Variants in ERCC6 observed in about 807,000 individuals in gnomAD.
The protein encoded by ERCC6 is ERCC excision repair 6, chromatin remodeling factor.
ERCC6 carries 116 observed loss-of-function variants against 158.7 expected under a neutral mutation model. The observed-to-expected ratio is 0.73, with a 90% CI of 0.63 to 0.85. The LOEUF (loss-of-function observed/expected upper bound fraction) is 0.85. Ranked by LOEUF, ERCC6 falls within the 40% of genes least tolerant of loss-of-function variation. The pLI is 0.00. For missense variants in ERCC6, 1,698 were observed against 1,799.4 expected, an observed-to-expected ratio of 0.94 and a Z score of 1.02; for synonymous variants, 678 against 659.3, an observed-to-expected ratio of 1.03 and a Z score of -0.43.
At chr10:49,514,798 A>C (rs1408762216) in intron 5 of ERCC6, among the ~76,000 whole-genome samples, 2 of 152,246 alleles carry the variant, frequency 1.3e-5, no homozygotes, top group Non-Finnish European at 2.9e-5. Context: ...GTAGTATGAT[A>C]GGTTTTCTAT....
chr10:49,451,350 C>A (rs1130028), downstream of ERCC6, among the ~76,000 whole-genome samples: 29,609 of 151,962 alleles, frequency 0.19, 3,290 homozygotes, highest in South Asian at 0.34. Context: ...GCATCCTTGT[C>A]TTATTTCTAA....
At chr10:49,446,593 A>G in the ERCC6 span, among the ~76,000 whole-genome samples, 1 of 152,160 alleles carries the variant, frequency 6.6e-6, no homozygotes, top group Non-Finnish European at 1.5e-5. Flanking sequence ...TGGGTGACAC[A>G]GCGAGACTCT....
chr10:49,436,016 GAAAA>G, the ERCC6 span, among the ~76,000 whole-genome samples: 4 of 106,374 alleles, frequency 3.8e-5, no homozygotes, highest in East Asian at 2.6e-4. Context: ...AAGAAAGAAA[GAAAA>G]AAAAAAAAAG....
intron 2 of ERCC6, among the ~76,000 whole-genome samples, chr10:49,531,989 CA>C (rs2132637808): frequency 6.6e-6 from 1 of 152,264 alleles, no homozygotes; most frequent in African/African-American, 2.4e-5. Context: ...GTGCTATGCT[CA>C]AAACAGCTCA....
chr10:49,467,931 T>A (rs981730998), intron 18 of ERCC6, among the ~76,000 whole-genome samples: 5 of 152,116 alleles, frequency 3.3e-5, no homozygotes, highest in Non-Finnish European at 5.9e-5. Flanking sequence ...GGTATTTGTA[T>A]ATTCCTGTAA....
chr10:49,521,731 G>A (rs1187780153), intron 5 of ERCC6, among the ~76,000 whole-genome samples: 1 of 152,166 alleles, frequency 6.6e-6, no homozygotes, highest in African/African-American at 2.4e-5. Flanking sequence ...TGAGAAGGGG[G>A]AATACACGGT....
the ERCC6 span, among the ~76,000 whole-genome samples, chr10:49,441,612 C>G: frequency 0.024 from 3,678 of 151,978 alleles, 158 homozygotes; most frequent in African/African-American, 0.083. Context: ...AGCGTGCTGT[C>G]CCCCAGCCGC....
At chr10:49,492,614 C>G (rs1851194368) in intron 8 of ERCC6, among the ~76,000 whole-genome samples, 2 of 152,120 alleles carry the variant, frequency 1.3e-5, no homozygotes, top group African/African-American at 4.8e-5. Context: ...ATACAACTGT[C>G]AATACATGAC....
chr10:49,471,514 G>A (rs980432581), intron 16 of ERCC6, among the ~76,000 whole-genome samples: 1 of 151,908 alleles, frequency 6.6e-6, no homozygotes, highest in Non-Finnish European at 1.5e-5. Context: ...CTCTTACCTG[G>A]GCTTTGCAAT....
chr10:49,533,486 C>T (rs905160163), intron 1 of ERCC6, among the ~76,000 whole-genome samples: 15 of 152,194 alleles, frequency 9.9e-5, no homozygotes, highest in African/African-American at 3.6e-4. Flanking sequence ...AAATCAGAAG[C>T]TCAGAAGATT....
rs567406552 is a variant in ERCC6 at position 49,512,833 on chromosome 10, G to A, written c.1398-6821C>T. On this transcript the variant is annotated intron_variant, in intron 5 of 20. Transcript: ENST00000355832. ...GTGTCTTGACTGAGACCCAACATATGAGGTCAAATATGGAATTTTCCACTT... is the reference window on the plus strand; with the variant it reads ...GTGTCTTGACTGAGACCCAACATATAAGGTCAAATATGGAATTTTCCACTT... Among the ~76,000 whole-genome samples, 7 of 152,348 alleles carry A rather than the reference G, an allele frequency of 4.6e-5. No individual in the cohort carries two copies. In the South Asian group the frequency reaches 8.3e-4, roughly 18 times the overall value.
chr10:49,498,498 G>A (rs997645456), intron 7 of ERCC6, among the ~76,000 whole-genome samples: 7 of 152,158 alleles, frequency 4.6e-5, no homozygotes, highest in East Asian at 3.9e-4. Context: ...ACATATGAGC[G>A]GGGGGGACCA....
chr10:49,474,017 G>T lies in ERCC6; in HGVS notation c.2598+10C>A, dbSNP rs1299267128. 2 of 1,612,158 alleles carry T rather than the reference G, an allele frequency of 1.2e-6. No homozygotes were observed. Among genetic ancestry groups the T allele is most frequent in the African/African-American group, 2.7e-5 (2 of 74,858 alleles). On this transcript the variant is annotated intron_variant, in intron 13 of 20. Transcript: ENST00000355832. ...CCAGCCTGTTTCCCGTCTGAAGTCT[G>T]TGCACTCACCTGCCTTGACTGAGAA...
intron 1 of ERCC6, among the ~76,000 whole-genome samples, chr10:49,537,706 A>C (rs1837635078): frequency 6.6e-6 from 1 of 152,108 alleles, no homozygotes; most frequent in African/African-American, 2.4e-5. Flanking sequence ...TTGCAAGGAA[A>C]CAACGTGTGA....
chr10:49,486,217 C>T (rs1189858449), intron 8 of ERCC6, among the ~76,000 whole-genome samples: 1 of 152,150 alleles, frequency 6.6e-6, no homozygotes, highest in Non-Finnish European at 1.5e-5. Context: ...CACAGCCTCT[C>T]TGAGAGAAAG....
the ERCC6 span, among the ~76,000 whole-genome samples, chr10:49,448,299 A>C: frequency 3.3e-5 from 5 of 152,322 alleles, no homozygotes; most frequent in African/African-American, 9.6e-5. Context: ...AATGATGTCA[A>C]GCATCTTTTC....
chr10:49,510,076 C>T (rs776694423), intron 5 of ERCC6, among the ~76,000 whole-genome samples: 4 of 152,080 alleles, frequency 2.6e-5, no homozygotes, highest in Non-Finnish European at 5.9e-5. Flanking sequence ...TCCCTACATT[C>T]AGGTAGGAAT....
Position 49,455,655 on chromosome 10 carries a change from C to T in ERCC6, c.*3160G>A, listed in dbSNP as rs568368639. ...TATTTGTTGATCATTGGAATAACTG[C>T]CTTTTTGTTTTTGTTTAGGGGAGCA... On this transcript the variant is annotated 3_prime_UTR_variant, in exon 21 of 21. Transcript: ENST00000355832. 1 of 152,292 alleles carries T rather than the reference C, an allele frequency of 6.6e-6. No homozygotes were observed. Among genetic ancestry groups the T allele is most frequent in the South Asian group, 2.1e-4 (1 of 4,828 alleles). The allele number at this position is 152,292 out of a possible 1,614,324, so 9.4% of individuals were successfully genotyped here.
chr10:49,508,526 CCAAA>C (rs1851483133), intron 5 of ERCC6, among the ~76,000 whole-genome samples: 1 of 152,144 alleles, frequency 6.6e-6, no homozygotes, highest in South Asian at 2.1e-4. Context: ...ATGAAAAGGG[CCAAA>C]CATTTATTCA....
Sources: allele counts gnomAD v4.1 joint callset (sites outside exome capture counted in the v4.1 genomes callset), GRCh38; gene constraint gnomAD v4.1.1; transcripts MANE v1.5; gene names NCBI Gene and HGNC (gene_info 2026-07-23, HGNC 2026-07-21).